KIF24: variants seen among roughly 807,000 people sequenced by gnomAD.
The protein encoded by KIF24 is kinesin family member 24.
Under a neutral mutation model 118.9 loss-of-function variants are expected in KIF24, and 81 were observed. The observed-to-expected ratio is 0.68, with a 90% CI of 0.57 to 0.82. The LOEUF is 0.82. KIF24 is among the 40% of genes least tolerant of loss of function. The pLI, the probability that KIF24 is intolerant of heterozygous loss-of-function variation, is 0.00. For missense variants in KIF24, 1,560 were observed against 1,661.6 expected (o/e 0.94, Z 1.06); for synonymous variants, 599 against 610.0 (o/e 0.98, Z 0.27).
At chr9:34,326,631 G>C (rs973031279) in intron 1 of KIF24, among the ~76,000 whole-genome samples, 17 of 152,112 alleles carry the variant, frequency 1.1e-4, no homozygotes, top group African/African-American at 4.1e-4. Flanking sequence ...TAGCCCAAAG[G>C]TGGAAATGAG....
chr9:34,306,248 A>AG lies in KIF24; in HGVS notation c.813+3_813+4insC. The AG allele has an allele frequency of 6.4e-7, 1 of 1,568,030 alleles. No individual in the cohort carries two copies. ...GTTCCAAACATAAAACGAAAACATC[A>AG]TACCTGCAGAATATATTGAGTGAGG... On this transcript the variant is annotated splice_donor_region_variant and intron_variant, in intron 3 of 12. Coordinates refer to ENST00000402558, the MANE Select transcript of KIF24 (RefSeq NM_194313.4).
chr9:34,261,341 A>G (rs1352244620), intron 9 of KIF24, among the ~76,000 whole-genome samples: 1 of 152,052 alleles, frequency 6.6e-6, no homozygotes, highest in Non-Finnish European at 1.5e-5. Flanking sequence ...ACCTAGGTAC[A>G]CCCTCCCATG....
intron 6 of KIF24, among the ~76,000 whole-genome samples, chr9:34,272,322 A>G (rs1835536323): frequency 6.6e-6 from 1 of 152,244 alleles, no homozygotes; most frequent in Admixed American, 6.5e-5. Context: ...TTAAAGAATG[A>G]CTAATCACAT....
chr9:34,277,039 T>C (rs1587930322), intron 6 of KIF24, among the ~76,000 whole-genome samples: 1 of 152,318 alleles, frequency 6.6e-6, no homozygotes, highest in Non-Finnish European at 1.5e-5. Context: ...TCATCATAGA[T>C]TGGTATCGTT....
chr9:34,309,540 C>CA (rs397960934), intron 2 of KIF24, among the ~76,000 whole-genome samples: 17,142 of 64,124 alleles, frequency 0.27, 1,685 homozygotes, highest in East Asian at 0.54. Context: ...GACTCCGTCT[C>CA]AAAAAAAAAA....
At position 34,286,620 on chromosome 9, in the gene KIF24, T is replaced by G; in HGVS notation, c.1212A>C (p.Leu404Phe). Residue 404 changes from leucine to phenylalanine, a missense_variant, in exon 6 of 13, where the codon TTA (leucine) becomes TTC (phenylalanine). Leu to Phe is a conservative substitution (Grantham distance 22, BLOSUM62 0). Transcript: ENST00000402558. ...TAAAGAAGGAAGAATTAATTACCTCTAAGAGGAGCTCCACACTGTCCACCT... is the reference window on the plus strand; with the variant it reads ...TAAAGAAGGAAGAATTAATTACCTCGAAGAGGAGCTCCACACTGTCCACCT... The part of the protein sequence containing the change: ...ELQVDSVELL[L>F]EVILKGSKER... 1 of 1,605,258 alleles carries G rather than the reference T, an allele frequency of 6.2e-7. No homozygotes were observed. Among genetic ancestry groups the G allele is most frequent in the South Asian group, 1.1e-5 (1 of 90,888 alleles).
intron 1 of KIF24, among the ~76,000 whole-genome samples, chr9:34,325,190 T>A (rs1837635585): frequency 6.6e-6 from 1 of 150,548 alleles, no homozygotes. Context: ...AGTAAATAAA[T>A]AAAAATTAAT....
chr9:34,311,795 C>CACAT (rs1563961713), intron 1 of KIF24, among the ~76,000 whole-genome samples: 1 of 128,024 alleles, frequency 7.8e-6, no homozygotes, highest in Admixed American at 8.3e-5. Context: ...TATACACACA[C>CACAT]ATATATATAT....
chr9:34,257,796 G>A lies in KIF24; in HGVS notation c.1811C>T (p.Thr604Met), dbSNP rs201469275. Reference sequence around the variant, plus strand: ...GGTCAGAGGATGGACCTTCCCTCTCGTGGAACCAGGGGCTGCCACTGTGAG... The same window carrying A: ...GGTCAGAGGATGGACCTTCCCTCTCATGGAACCAGGGGCTGCCACTGTGAG... ...QSLTVAAPGS[T>M]RGKVHPLTSH... The change falls in exon 11 of 13, where the codon ACG becomes ATG. Residue 604 changes from threonine to methionine, a missense_variant. Thr to Met is a moderately conservative substitution (Grantham distance 81). Transcript: ENST00000402558. 824 of 1,614,002 alleles carry A rather than the reference G, an allele frequency of 5.1e-4. 2 individuals carry two copies. Among genetic ancestry groups the A allele is most frequent in the Non-Finnish European group, 6.6e-4 (774 of 1,179,888 alleles).
chr9:34,279,822 G>A (rs1019660990), intron 6 of KIF24, among the ~76,000 whole-genome samples: 4 of 152,190 alleles, frequency 2.6e-5, no homozygotes, highest in African/African-American at 9.7e-5. Context: ...TATTTATGAG[G>A]ATAACTGTGT....
rs1291810729 is a variant in KIF24, at chr9:34,256,332, T to TGGCTCACAACTGGGCCCCCTGTGC, written c.3251_3274dup (p.Ser1091_His1092insArgThrGlyGlyProValValSer). 6.2e-7 allele frequency: 1 copy of TGGCTCACAACTGGGCCCCCTGTGC among 1,613,576 alleles called. No homozygotes were observed. Among genetic ancestry groups the TGGCTCACAACTGGGCCCCCTGTGC allele is most frequent in the Non-Finnish European group, 8.5e-7 (1 of 1,179,802 alleles). Reference sequence around the variant, plus strand: ...CTCTTGATCACCAGATGGCACTGTGTGGCTCACAACTGGGCCCCCTGTGCT... The same window carrying TGGCTCACAACTGGGCCCCCTGTGC: ...CTCTTGATCACCAGATGGCACTGTGTGGCTCACAACTGGGCCCCCTGTGCGGCTCACAACTGGGCCCCCTGTGCT... On this transcript the variant is annotated inframe_insertion, in exon 11 of 13. Coordinates refer to ENST00000402558, the MANE Select transcript of KIF24 (RefSeq NM_194313.4).
chr9:34,314,591 C>T (rs904196040), intron 1 of KIF24, among the ~76,000 whole-genome samples: 2 of 152,176 alleles, frequency 1.3e-5, no homozygotes, highest in African/African-American at 2.4e-5. Context: ...AGAAAAGTTC[C>T]CTAGGTGATT....
chr9:34,305,366 G>A lies in KIF24; in HGVS notation c.813+886C>T, dbSNP rs181720128. 4.6e-5 allele frequency among the ~76,000 whole-genome samples: 7 copies of A among 152,084 alleles called. No individual in the cohort carries two copies. The East Asian group carries it at 1.2e-3, about 25-fold the overall frequency. ...GTGGTCTGCTCAGAGCCCAATTTTC[G>A]CCAATTAAGTATAAGCCCAAGACAG... is the stretch of plus-strand genomic sequence containing the variant. On this transcript the variant is annotated intron_variant, in intron 3 of 12. Transcript: ENST00000402558.
chr9:34,258,071 A>T, intron 10 of KIF24, 90 bp from the exon 11 acceptor site: 3 of 962,800 alleles, frequency 3.1e-6, no homozygotes, highest in Non-Finnish European at 4.8e-6. Flanking sequence ...AAACCAAAGA[A>T]AAGTATTACA....
upstream of KIF24, chr9:34,329,511 G>A (rs1201210215): frequency 6.6e-6 from 1 of 152,238 alleles, no homozygotes; most frequent in Non-Finnish European, 1.5e-5. Context: ...GAATTCTATT[G>A]ATGGGCCCAA....
At chr9:34,322,848 T>A (rs772000374) in intron 1 of KIF24, among the ~76,000 whole-genome samples, 6 of 152,064 alleles carry the variant, frequency 3.9e-5, no homozygotes, top group Non-Finnish European at 8.8e-5. Flanking sequence ...AGAGTGAGAC[T>A]CCGTCTCCAA....
intron 8 of KIF24, among the ~76,000 whole-genome samples, chr9:34,266,679 GAAAA>G (rs1252037077): frequency 1.3e-5 from 1 of 77,312 alleles, no homozygotes; most frequent in African/African-American, 5.7e-5. Flanking sequence ...CTCCATCTCA[GAAAA>G]AAAAAAAAAA....
In KIF24 at chr9:34,310,893, C is replaced by T. The variant is rs1345778234; in HGVS notation, c.454G>A (p.Gly152Arg). 6.2e-7 allele frequency: 1 copy of T among 1,613,830 alleles called. No homozygotes were observed. Among genetic ancestry groups the T allele is most frequent in the African/African-American group, 1.3e-5 (1 of 74,928 alleles). Residue 152 changes from glycine to arginine, a missense_variant, in exon 2 of 13, where the codon GGA becomes AGA. By Grantham distance (125) the Gly-to-Arg change is moderately radical (BLOSUM62 -2). Around this residue, in one of 3 missense-constraint regions of KIF24, gnomAD observed 964 missense variants for 988.0 expected, o/e 0.98. Transcript: ENST00000402558. ...PDDSQYHTKT[G>R]ILNATAGDSY... ...TCACCAGCTGTGGCATTCAGAATTCCTGTTTTTGTATGGTACTGGGAATCA... is the reference window on the plus strand; with the variant it reads ...TCACCAGCTGTGGCATTCAGAATTCTTGTTTTTGTATGGTACTGGGAATCA...
chr9:34,330,589 C>T (rs1429827111), upstream of KIF24, among the ~76,000 whole-genome samples: 1 of 152,236 alleles, frequency 6.6e-6, no homozygotes, highest in East Asian at 1.9e-4. Context: ...AGTAATGCCT[C>T]AGCGGGTTGT....
Sources: allele counts gnomAD v4.1 joint callset (sites outside exome capture counted in the v4.1 genomes callset), GRCh38; gene constraint gnomAD v4.1.1; regional missense constraint gnomAD v4.1.1; transcripts MANE v1.5; gene names NCBI Gene and HGNC (gene_info 2026-07-23, HGNC 2026-07-21).